Variants in PTPN23 observed in about 807,000 individuals in gnomAD.
PTPN23 encodes the protein protein tyrosine phosphatase non-receptor type 23.
Under a neutral mutation model 156.3 loss-of-function variants are expected in PTPN23, and 72 were observed. The ratio of observed to expected loss-of-function variants is 0.46; its 90% CI spans 0.38 to 0.56. The LOEUF (loss-of-function observed/expected upper bound fraction) is 0.56, where lower values mean the gene tolerates loss of function less well. PTPN23 is among the 20% of genes least tolerant of loss of function. The pLI is 0.00. For synonymous variants in PTPN23, 957 were observed against 899.6 expected (o/e 1.06, Z -1.14); for missense variants, 1,974 against 2,171.5 (o/e 0.91, Z 1.81).
In PTPN23 at chr3:47,405,520, C is replaced by T; in HGVS notation, c.365-229C>T. On this transcript the variant is annotated intron_variant, in intron 4 of 24. Transcript: ENST00000265562. The surrounding 1 kb of genome is among the most constrained non-coding windows in gnomAD (Gnocchi z 4.7). The stretch of plus-strand genomic sequence containing the variant: ...TCCCTGAAGCTTCAAGATTGGACCC[C>T]TTGGACAGGAGCCCTTCCATCCTCT... 1 of 583,372 alleles carries T rather than the reference C, an allele frequency of 1.7e-6. No individual in the cohort carries two copies. The highest frequency in any genetic ancestry group is 2.9e-5 in the East Asian group (1 of 34,022). The allele number at this position is 583,372 out of a possible 1,614,324, so 36.1% of individuals were successfully genotyped here. A position where few individuals can be genotyped will look rare whatever the true frequency, so the allele number is the denominator to read the frequency against.
intron 3 of PTPN23, 98 bp from the exon 4 acceptor site, chr3:47,404,897 CCCCCAGGCCT>C: frequency 6.3e-7 from 1 of 1,577,940 alleles, no homozygotes; most frequent in South Asian, 1.1e-5. Flanking sequence ...TCATATGGTC[CCCCCAGGCCT>C]CCCCACATCC....
At chr3:47,382,403 C>G (rs188668500) in intron 1 of PTPN23, among the ~76,000 whole-genome samples, 241 of 150,894 alleles carry the variant, frequency 1.6e-3, no homozygotes, top group Admixed American at 2.6e-3. Context: ...CTCACCGCAA[C>G]GTCAGCCTCC....
Position 47,412,208 on chromosome 3 carries a change from G to A in PTPN23, c.4178+10G>A. The A allele has an allele frequency of 6.2e-7, 1 of 1,613,272 alleles. No individual in the cohort carries two copies. The highest frequency in any genetic ancestry group is 8.5e-7 in the Non-Finnish European group (1 of 1,180,010). ...TCATTGTGCACTGCAGGTAGAGGGT[G>A]GGCCTGAGGGTCTCTCCTCTATGGG... On this transcript the variant is annotated intron_variant, in intron 22 of 24. Transcript: ENST00000265562.
At chr3:47,386,180 T>A (rs1013702281) in intron 1 of PTPN23, among the ~76,000 whole-genome samples, 1 of 152,110 alleles carries the variant, frequency 6.6e-6, no homozygotes, top group Non-Finnish European at 1.5e-5. Context: ...TTCTTTTTTT[T>A]TGGAGACAGA....
chr3:47,407,221 A>T lies in PTPN23; in HGVS notation c.864+35A>T. On this transcript the variant is annotated intron_variant, in intron 10 of 24. Coordinates refer to ENST00000265562, the MANE Select transcript of PTPN23 (RefSeq NM_015466.4). This position sits in a 1 kb window ranked among gnomAD's most constrained non-coding sequence, Gnocchi z 4.0. ...AGGAAGGCCTGGCTGCCCTGAGGGTATAGGAGCAAGCCCGGTAGGACTGAG... is the reference window on the plus strand; with the variant it reads ...AGGAAGGCCTGGCTGCCCTGAGGGTTTAGGAGCAAGCCCGGTAGGACTGAG... 3.1e-6 allele frequency: 5 copies of T among 1,613,900 alleles called. No homozygotes were observed. The highest frequency in any genetic ancestry group is 4.2e-6 in the Non-Finnish European group (5 of 1,179,874).
chr3:47,400,543 GTTTTAGGAAGTACAAGACAAA>G (rs1576219573), intron 2 of PTPN23, among the ~76,000 whole-genome samples: 1 of 152,184 alleles, frequency 6.6e-6, no homozygotes, highest in East Asian at 1.9e-4. Context: ...CCCAAAGATG[GTTTTAGGAAGTACAAGACAAA>G]TTTTATTTTA....
intron 1 of PTPN23, among the ~76,000 whole-genome samples, chr3:47,390,533 C>T (rs182055873): frequency 6.6e-6 from 1 of 152,174 alleles, no homozygotes; most frequent in African/African-American, 2.4e-5. Flanking sequence ...GGCCTGCCTT[C>T]TCAGCCTCCA....
intron 2 of PTPN23, among the ~76,000 whole-genome samples, chr3:47,403,801 C>T (rs933739920): frequency 5.9e-5 from 9 of 152,094 alleles, no homozygotes; most frequent in Admixed American, 5.2e-4. Context: ...AATGCTGGGA[C>T]CACATGTGTG....
At chr3:47,391,033 C>T (rs754470622) in intron 1 of PTPN23, among the ~76,000 whole-genome samples, 11 of 152,110 alleles carry the variant, frequency 7.2e-5, no homozygotes, top group Non-Finnish European at 1.0e-4. Context: ...TTGCTTGAGG[C>T]TAGAAGTTCC....
chr3:47,391,349 G>A (rs1704769096), intron 1 of PTPN23, among the ~76,000 whole-genome samples: 1 of 152,224 alleles, frequency 6.6e-6, no homozygotes, highest in South Asian at 2.1e-4. Context: ...CTGGGTTTCA[G>A]TCATATCCCC....
intron 2 of PTPN23, 102 bp from the exon 3 acceptor site, chr3:47,404,550 C>T (rs573716553): frequency 4.0e-6 from 6 of 1,486,376 alleles, no homozygotes; most frequent in East Asian, 2.3e-5. Flanking sequence ...TGTGTGCAGT[C>T]GGCCAGCTGT....
intron 1 of PTPN23, among the ~76,000 whole-genome samples, chr3:47,388,947 G>A (rs927158624): frequency 2.6e-5 from 4 of 152,014 alleles, no homozygotes; most frequent in Admixed American, 2.6e-4. Context: ...TTGCAGGTGT[G>A]AGCCACCACG....
rs765222956 is a variant in PTPN23, at chr3:47,408,324, T to G, written c.1185-21T>G. On this transcript the variant is annotated intron_variant, in intron 14 of 24. Coordinates refer to ENST00000265562, the MANE Select transcript of PTPN23 (RefSeq NM_015466.4). ...GTTGGATCAGCACCCAGCACCCACC[T>G]GGCCCTGTTGCTCCCCACAGCCAGT... 1.9e-6 allele frequency: 3 copies of G among 1,610,270 alleles called. No homozygotes were observed. The East Asian group carries it at 6.7e-5, about 36-fold the overall frequency.
chr3:47,407,946 A>G lies in PTPN23; in HGVS notation c.1175A>G (p.Glu392Gly). ...EMMAKIEDKN[E>G]VLDQFMDSMQ... ...ATGGCCAAGATTGAGGACAAGAATGAGGTCCTGGAGTGAGTGTGGGACTTG... is the reference window on the plus strand; with the variant it reads ...ATGGCCAAGATTGAGGACAAGAATGGGGTCCTGGAGTGAGTGTGGGACTTG... The change falls in exon 14 of 25, where the codon GAG becomes GGG. Residue 392 changes from glutamate (E) to glycine (G), a missense_variant. This residue lies in a region of PTPN23 where 726 missense variants were observed against 929.5 expected (regional missense o/e 0.78). Transcript: ENST00000265562. The surrounding 1 kb of genome is among the most constrained non-coding windows in gnomAD (Gnocchi z 4.0). 6.2e-7 allele frequency: 1 copy of G among 1,613,768 alleles called. No homozygotes were observed. Among genetic ancestry groups the G allele is most frequent in the Non-Finnish European group, 8.5e-7 (1 of 1,179,892 alleles).
Position 47,408,346 on chromosome 3 carries a change from C to A in PTPN23, c.1186C>A (p.Gln396Lys), listed in dbSNP as rs1423695827. 2 of 1,613,398 alleles carry A rather than the reference C, an allele frequency of 1.2e-6. No homozygotes were observed. Among genetic ancestry groups the A allele is most frequent in the Non-Finnish European group, 1.7e-6 (2 of 1,179,536 alleles). Reference sequence around the variant, plus strand: ...ACCTGGCCCTGTTGCTCCCCACAGCCAGTTCATGGATTCAATGCAGTTGGA... The same window carrying A: ...ACCTGGCCCTGTTGCTCCCCACAGCAAGTTCATGGATTCAATGCAGTTGGA... ...KIEDKNEVLD[Q>K]FMDSMQLDPE... Residue 396 changes from glutamine to lysine, a missense_variant and splice_region_variant, in exon 15 of 25, where the codon CAG (glutamine) becomes AAG (lysine). This residue lies in a region of PTPN23 where 726 missense variants were observed against 929.5 expected (regional missense o/e 0.78). Transcript: ENST00000265562.
chr3:47,382,323 C>CTTT (rs11438597), intron 1 of PTPN23, among the ~76,000 whole-genome samples: 2 of 141,084 alleles, frequency 1.4e-5, no homozygotes, highest in African/African-American at 2.6e-5. Flanking sequence ...TTTTTCCTAC[C>CTTT]TTTTTTTTTT....
At position 47,381,156 on chromosome 3, in the gene PTPN23, T is replaced by G; in HGVS notation, c.60T>G (p.Phe20Leu). The G allele has an allele frequency of 6.3e-7, 1 of 1,591,270 alleles. No individual in the cohort carries two copies. Among genetic ancestry groups the G allele is most frequent in the Non-Finnish European group, 8.6e-7 (1 of 1,169,486 alleles). Residue 20 changes from phenylalanine to leucine, a missense_variant, in exon 1 of 25, where the codon TTT becomes TTG. This residue lies in a region of PTPN23 where 726 missense variants were observed against 929.5 expected (regional missense o/e 0.78). Coordinates refer to ENST00000265562, the MANE Select transcript of PTPN23 (RefSeq NM_015466.4). ...IWLDLKEAGD[F>L]HFQPAVKKFV... ...TGGACCTGAAGGAGGCCGGTGACTT[T>G]CACTTCCAGCCAGCTGTGAAGAAGG...
chr3:47,407,721 C>T lies in PTPN23; in HGVS notation c.1028C>T (p.Pro343Leu), dbSNP rs1247052360. The T allele has an allele frequency of 1.2e-6, 2 of 1,614,084 alleles. No homozygotes were observed. Among genetic ancestry groups the T allele is most frequent in the Non-Finnish European group, 1.7e-6 (2 of 1,180,010 alleles). ...GGAGCCCCCTTGGTGAAGCCCTTGC[C>T]AGTGAACCCCACAGACCCAGCTGTT... ...VKGAPLVKPL[P>L]VNPTDPAVTG... is the part of the protein sequence containing the mutation. The change falls in exon 13 of 25, where the codon CCA (proline) becomes CTA (leucine). Residue 343 changes from proline (P) to leucine (L), a missense_variant. Physicochemically the swap from Pro to Leu is moderately conservative, Grantham distance 98. Transcript: ENST00000265562. This position sits in a 1 kb window ranked among gnomAD's most constrained non-coding sequence, Gnocchi z 4.0.
rs1705158380 is a variant in PTPN23, at chr3:47,407,555, C to T, written c.974C>T (p.Pro325Leu). 6.2e-7 allele frequency: 1 copy of T among 1,613,976 alleles called. No individual in the cohort carries two copies. The highest frequency in any genetic ancestry group is 2.2e-5 in the East Asian group (1 of 44,878). Residue 325 changes from proline (P) to leucine (L), a missense_variant, in exon 12 of 25, where the codon CCA becomes CTA. By Grantham distance (98) the Pro-to-Leu change is moderately conservative. Transcript: ENST00000265562. This position sits in a 1 kb window ranked among gnomAD's most constrained non-coding sequence, Gnocchi z 4.0. ...DNDFIYHEAV[P>L]ALDTLQPVKG... ...GACTTCATTTACCATGAGGCTGTCC[C>T]AGCATTGGACACTCTTCAGCCTGTA...
Sources: allele counts gnomAD v4.1 joint callset (sites outside exome capture counted in the v4.1 genomes callset), GRCh38; gene constraint gnomAD v4.1.1; regional missense constraint gnomAD v4.1.1; non-coding constraint Gnocchi (gnomAD v3.1); transcripts MANE v1.5; gene names NCBI Gene and HGNC (gene_info 2026-07-23, HGNC 2026-07-21).